GPHN: variants seen among roughly 807,000 people sequenced by gnomAD.
GPHN encodes gephyrin.
GPHN carries 17 observed loss-of-function variants against 95.5 expected under a neutral mutation model. The ratio of observed to expected loss-of-function variants is 0.18; its 90% CI spans 0.12 to 0.27. GPHN has a LOEUF of 0.27. Ranked by LOEUF, GPHN falls within the 10% of genes least tolerant of loss-of-function variation. GPHN has a pLI of 1.00. For synonymous variants in GPHN, 320 were observed against 322.5 expected, an observed-to-expected ratio of 0.99 and a Z score of 0.08; for missense variants, 660 against 978.1, an observed-to-expected ratio of 0.67 and a Z score of 4.34.
chr14:66,682,998 A>G (rs2067034319), intron 2 of GPHN, among the ~76,000 whole-genome samples: 1 of 151,492 alleles, frequency 6.6e-6, no homozygotes. Flanking sequence ...TCTATATTTA[A>G]TTTTAGTATT....
the GPHN span, among the ~76,000 whole-genome samples, chr14:67,394,442 T>G: frequency 2.0e-5 from 3 of 152,232 alleles, no homozygotes; most frequent in Admixed American, 1.3e-4. Context: ...GTAGCCCACA[T>G]GGTTCTCTGT....
intron 4 of GPHN, among the ~76,000 whole-genome samples, chr14:66,826,147 G>T (rs949394736): frequency 6.6e-6 from 1 of 152,224 alleles, no homozygotes; most frequent in South Asian, 2.1e-4. Flanking sequence ...CCAAATAACA[G>T]TATTATTTTT....
At chr14:66,767,858 G>T (rs1466501875) in intron 2 of GPHN, among the ~76,000 whole-genome samples, 1 of 151,904 alleles carries the variant, frequency 6.6e-6, no homozygotes, top group Admixed American at 6.6e-5. Flanking sequence ...AATAATTGCA[G>T]TTATCAATAG....
intron 5 of GPHN, among the ~76,000 whole-genome samples, chr14:66,900,321 T>C (rs951061233): frequency 6.6e-6 from 1 of 152,038 alleles, no homozygotes; most frequent in Non-Finnish European, 1.5e-5. Context: ...AGCTGGAAGC[T>C]TGTTATTGAT....
At chr14:67,150,078 CAA>C (rs1479840999) in intron 18 of GPHN, among the ~76,000 whole-genome samples, 1 of 152,072 alleles carries the variant, frequency 6.6e-6, no homozygotes, top group Non-Finnish European at 1.5e-5. Flanking sequence ...AATATCAACT[CAA>C]GATTTTAAGT....
At chr14:67,577,349 C>T in the GPHN span, 1 of 1,586,854 alleles carries the variant, frequency 6.3e-7, no homozygotes. Context: ...CAAAGACGGC[C>T]TATACGCCTC....
the GPHN span, among the ~76,000 whole-genome samples, chr14:67,205,392 G>A: frequency 2.0e-5 from 3 of 152,096 alleles, no homozygotes; most frequent in Non-Finnish European, 4.4e-5. Context: ...CATATTACTT[G>A]TGTGACTTCA....
intron 9 of GPHN, among the ~76,000 whole-genome samples, chr14:66,972,735 C>A (rs1185638345): frequency 6.6e-6 from 1 of 151,874 alleles, no homozygotes; most frequent in African/African-American, 2.4e-5. Flanking sequence ...TGTAATTACT[C>A]ATGTAAATGT....
chr14:66,841,035 G>GGTATAGA (rs2062067213), intron 4 of GPHN, among the ~76,000 whole-genome samples: 2 of 83,068 alleles, frequency 2.4e-5, no homozygotes, highest in Admixed American at 2.7e-4. Flanking sequence ...ATAGATATAG[G>GGTATAGA]TATAGATATA....
intron 9 of GPHN, among the ~76,000 whole-genome samples, chr14:66,992,681 A>C (rs1371789765): frequency 2.0e-5 from 3 of 152,074 alleles, no homozygotes; most frequent in African/African-American, 7.2e-5. Flanking sequence ...TTGTACTTTT[A>C]TTTTTATTGA....
At chr14:66,710,881 CATAGTCTG>C (rs1329671944) in intron 2 of GPHN, among the ~76,000 whole-genome samples, 1 of 152,096 alleles carries the variant, frequency 6.6e-6, no homozygotes, top group Non-Finnish European at 1.5e-5. Context: ...GCTCATAGAA[CATAGTCTG>C]ATAAGTGGAA....
the GPHN span, among the ~76,000 whole-genome samples, chr14:67,541,445 A>G: frequency 6.6e-6 from 1 of 152,366 alleles, no homozygotes; most frequent in Admixed American, 6.5e-5. Context: ...AATTTCTCTT[A>G]GTTCTGTTTG....
chr14:67,189,063 A>G, the GPHN span, among the ~76,000 whole-genome samples: 4 of 152,174 alleles, frequency 2.6e-5, no homozygotes, highest in African/African-American at 9.7e-5. Context: ...CAGAGGCTCA[A>G]AGTGCCTTAA....
At chr14:67,572,372 G>A in the GPHN span, 184 of 1,011,032 alleles carry the variant, frequency 1.8e-4, 1 homozygote, top group Middle Eastern at 4.7e-3. Flanking sequence ...GCTGCCTGAA[G>A]TGAGGGGTCC....
At chr14:67,458,852 G>C in the GPHN span, among the ~76,000 whole-genome samples, 2 of 152,090 alleles carry the variant, frequency 1.3e-5, no homozygotes, top group South Asian at 2.1e-4. Context: ...TATGTAGCTG[G>C]GACTACCAAA....
chr14:66,912,589 C>A (rs2065724544), intron 5 of GPHN, among the ~76,000 whole-genome samples: 1 of 151,998 alleles, frequency 6.6e-6, no homozygotes, highest in Admixed American at 6.6e-5. Flanking sequence ...TTCTTTATAT[C>A]TTCTGTCATC....
intron 2 of GPHN, among the ~76,000 whole-genome samples, chr14:66,693,491 C>A (rs6573710): frequency 0.25 from 38,373 of 152,048 alleles, 9,759 homozygotes; most frequent in African/African-American, 0.62. Context: ...AGAATTGACT[C>A]ATGCAGTTAT....
the GPHN span, among the ~76,000 whole-genome samples, chr14:67,598,104 G>A: frequency 2.0e-5 from 3 of 152,068 alleles, no homozygotes; most frequent in African/African-American, 7.2e-5. Flanking sequence ...TTTGGGTTGG[G>A]GTTAAGCTGT....
the GPHN span, chr14:67,223,714 C>G: frequency 1.0e-6 from 1 of 979,230 alleles, no homozygotes; most frequent in Non-Finnish European, 1.2e-6. Flanking sequence ...TTTCTTTCCA[C>G]CTTTTTCTCC....
Sources: allele counts gnomAD v4.1 joint callset (sites outside exome capture counted in the v4.1 genomes callset), GRCh38; gene constraint gnomAD v4.1.1; transcripts MANE v1.5; gene names NCBI Gene and HGNC (gene_info 2026-07-23, HGNC 2026-07-21).